NFATC1: variants seen among roughly 807,000 people sequenced by gnomAD.
NFATC1 encodes the protein nuclear factor of activated T-cells, cytoplasmic 1.
Under a neutral mutation model 76.0 loss-of-function variants are expected in NFATC1, and 22 were observed. That is an observed-to-expected ratio of 0.29 (90% CI 0.21 to 0.41). The LOEUF (loss-of-function observed/expected upper bound fraction) is 0.41. Among genes scored for constraint, NFATC1 ranks in the 10% least tolerant of loss-of-function variants. The pLI, the probability that NFATC1 is intolerant of heterozygous loss-of-function variation, is 1.00. For synonymous variants in NFATC1, 704 were observed against 613.1 expected, an observed-to-expected ratio of 1.15 and a Z score of -2.19; for missense variants, 1,357 against 1,337.7, an observed-to-expected ratio of 1.01 and a Z score of -0.23.
chr18:79,421,480 C>CA (rs1475815684), intron 2 of NFATC1: 3 of 152,484 alleles, frequency 2.0e-5, no homozygotes, highest in African/African-American at 7.2e-5. Flanking sequence ...AGGGCCACCC[C>CA]AGGGGTCTGG....
chr18:79,472,094 G>A (rs1486628279), intron 8 of NFATC1, among the ~76,000 whole-genome samples: 1 of 152,190 alleles, frequency 6.6e-6, no homozygotes, highest in Non-Finnish European at 1.5e-5. Flanking sequence ...GGGGTCCTGT[G>A]GCCTTGGGTC....
chr18:79,493,461 C>T (rs1273441148), intron 9 of NFATC1: 4 of 152,250 alleles, frequency 2.6e-5, no homozygotes, highest in African/African-American at 9.6e-5. Flanking sequence ...TCCCCTGGGC[C>T]GCCGCACGGC....
At chr18:79,430,712 TC>T in intron 2 of NFATC1, among the ~76,000 whole-genome samples, 1 of 151,132 alleles carries the variant, frequency 6.6e-6, no homozygotes, top group Admixed American at 6.6e-5. Flanking sequence ...TGTTTCTTTT[TC>T]AATTCATAGC....
chr18:79,426,301 G>C (rs2086330066), intron 2 of NFATC1, among the ~76,000 whole-genome samples: 1 of 151,194 alleles, frequency 6.6e-6, no homozygotes, highest in Non-Finnish European at 1.5e-5. Context: ...GCTTTCGGCT[G>C]AAAAAAAATC....
At chr18:79,482,585 C>G (rs1166573270) in intron 8 of NFATC1, among the ~76,000 whole-genome samples, 3 of 136,510 alleles carry the variant, frequency 2.2e-5, no homozygotes, top group African/African-American at 8.4e-5. Flanking sequence ...GTGACCTGGT[C>G]CTGGGGTGTC....
intron 6 of NFATC1, among the ~76,000 whole-genome samples, chr18:79,452,567 C>T (rs73494242): frequency 0.021 from 3,273 of 152,318 alleles, 117 homozygotes; most frequent in African/African-American, 0.074. Flanking sequence ...CACTCTCATC[C>T]CAGAGGGGTG....
intron 3 of NFATC1, among the ~76,000 whole-genome samples, chr18:79,434,953 G>A (rs1285311620): frequency 5.3e-5 from 8 of 152,182 alleles, no homozygotes; most frequent in East Asian, 1.9e-4. Context: ...ACACCTGAGC[G>A]CACAGTGGCC....
At chr18:79,520,307 G>A (rs780516369) in intron 9 of NFATC1, among the ~76,000 whole-genome samples, 12 of 151,940 alleles carry the variant, frequency 7.9e-5, no homozygotes, top group Non-Finnish European at 1.6e-4. Flanking sequence ...GAGGGACTCG[G>A]TGTGTCTCGG....
chr18:79,518,634 G>T (rs559345116), intron 9 of NFATC1, among the ~76,000 whole-genome samples: 3 of 152,240 alleles, frequency 2.0e-5, no homozygotes, highest in Non-Finnish European at 4.4e-5. Flanking sequence ...ACCGCTCATT[G>T]CCCAGGGCGT....
intron 9 of NFATC1, among the ~76,000 whole-genome samples, chr18:79,499,675 G>A (rs1000840621): frequency 5.9e-5 from 9 of 152,142 alleles, no homozygotes; most frequent in Non-Finnish European, 1.0e-4. Context: ...TAGGTTGAAA[G>A]TAAAATGATA....
chr18:79,456,775 G>A (rs1182762022), intron 6 of NFATC1, among the ~76,000 whole-genome samples: 1 of 152,186 alleles, frequency 6.6e-6, no homozygotes, highest in Non-Finnish European at 1.5e-5. Flanking sequence ...GTAGGCCGAG[G>A]GAGATGGACC....
At chr18:79,511,583 C>G (rs1385828728) in intron 9 of NFATC1, among the ~76,000 whole-genome samples, 1 of 152,144 alleles carries the variant, frequency 6.6e-6, no homozygotes, top group Non-Finnish European at 1.5e-5. Context: ...TGTACGTAGC[C>G]TGAGCTGTGG....
intron 9 of NFATC1, among the ~76,000 whole-genome samples, chr18:79,510,276 T>C (rs2090212791): frequency 6.6e-6 from 1 of 152,054 alleles, no homozygotes; most frequent in Non-Finnish European, 1.5e-5. Context: ...GATTCCACTT[T>C]CAAAAGATGA....
At chr18:79,466,497 G>A (rs2088501582) in intron 7 of NFATC1, among the ~76,000 whole-genome samples, 1 of 152,134 alleles carries the variant, frequency 6.6e-6, no homozygotes, top group Non-Finnish European at 1.5e-5. Flanking sequence ...CCGTGTCCCA[G>A]CCCCCCACCC....
At chr18:79,487,178 T>G (rs1168285581) in intron 9 of NFATC1, among the ~76,000 whole-genome samples, 1 of 152,196 alleles carries the variant, frequency 6.6e-6, no homozygotes, top group Non-Finnish European at 1.5e-5. Flanking sequence ...TGGCGGGTCC[T>G]GGGCTGCAGA....
intron 1 of NFATC1, among the ~76,000 whole-genome samples, chr18:79,397,637 TA>T (rs950571436): frequency 3.3e-5 from 5 of 152,256 alleles, no homozygotes; most frequent in African/African-American, 1.2e-4. Flanking sequence ...TAGCAGAGTT[TA>T]AAAAATTTTT....
intron 9 of NFATC1, among the ~76,000 whole-genome samples, chr18:79,488,145 A>G (rs2089568154): frequency 1.3e-5 from 2 of 152,158 alleles, no homozygotes; most frequent in Non-Finnish European, 2.9e-5. Flanking sequence ...AGTGAGGCCA[A>G]ACGCCTTCCT....
chr18:79,526,110 C>T (rs1479042404), intron 9 of NFATC1, among the ~76,000 whole-genome samples: 1 of 152,276 alleles, frequency 6.6e-6, no homozygotes, highest in African/African-American at 2.4e-5. Flanking sequence ...CGAGGCCCCG[C>T]AGCGCCGCCC....
chr18:79,487,916 T>C (rs367689602), intron 9 of NFATC1, among the ~76,000 whole-genome samples: 13 of 152,332 alleles, frequency 8.5e-5, no homozygotes, highest in South Asian at 8.3e-4. Flanking sequence ...ATTGGCTTCA[T>C]TTCCTCGGAG....
Sources: gnomAD v4.1 joint callset for allele counts (sites outside exome capture counted in the v4.1 genomes callset) on GRCh38, gnomAD v4.1.1 for gene constraint, MANE v1.5 for transcripts, NCBI Gene and HGNC (gene_info 2026-07-23, HGNC 2026-07-21) for gene names.